The following MLLT10 variants were observed in gnomAD, a reference collection of about 807,000 sequenced individuals.
MLLT10 encodes MLLT10 histone lysine methyltransferase DOT1L cofactor, also known as protein AF-10.
In MLLT10, 30 loss-of-function variants were observed where a neutral mutation model predicts 129.1. The ratio of observed to expected loss-of-function variants is 0.23; its 90% confidence interval spans 0.17 to 0.32. The LOEUF (loss-of-function observed/expected upper bound fraction) is 0.32. Among genes scored for constraint, MLLT10 ranks in the 10% least tolerant of loss-of-function variants. MLLT10 has a pLI of 1.00. For synonymous variants in MLLT10, 490 were observed against 446.4 expected (o/e 1.10, Z -1.23); for missense variants, 1,119 against 1,268.3 (o/e 0.88, Z 1.79).
rs957461651 is a variant in MLLT10, at chr10:21,675,143, A to G, written c.1621+1224A>G. On this transcript the variant is annotated intron_variant, in intron 11 of 22. Coordinates refer to ENST00000307729, the MANE Select transcript of MLLT10 (RefSeq NM_001195626.3). ...AGATGTCCTCATTTTACAGCTGGTA[A>G]CACTGAGGCTTTGAAAGGTGAAATA... is the stretch of plus-strand genomic sequence containing the variant. Among the ~76,000 whole-genome samples the G allele has an allele frequency of 7.9e-5, 12 of 152,246 alleles. 1 individual carries two copies. The highest frequency in any genetic ancestry group is 2.9e-5 in the Non-Finnish European group (2 of 68,040).
chr10:21,730,094 TCCGTCTCCCCTGCCCAACCTCCCCCACCG>T (rs1393277732), intron 16 of MLLT10, among the ~76,000 whole-genome samples: 7 of 151,850 alleles, frequency 4.6e-5, no homozygotes, highest in Non-Finnish European at 1.0e-4. Flanking sequence ...ATGGTGAAAC[TCCGTCTCCCCTGCCCAACCTCCCCCACCG>T]CCGCCTCCCC....
chr10:21,646,122 C>T (rs2048449387), intron 8 of MLLT10, among the ~76,000 whole-genome samples: 1 of 152,146 alleles, frequency 6.6e-6, no homozygotes, highest in Non-Finnish European at 1.5e-5. Flanking sequence ...ATGATAATTG[C>T]TTGAACCTGG....
chr10:21,567,820 T>C (rs1055223985), intron 3 of MLLT10, among the ~76,000 whole-genome samples: 2 of 150,976 alleles, frequency 1.3e-5, no homozygotes, highest in African/African-American at 4.9e-5. Context: ...TGGGGCTTCT[T>C]CTTTTTTTTT....
At chr10:21,575,314 A>G (rs1476033270) in intron 3 of MLLT10, among the ~76,000 whole-genome samples, 1 of 151,974 alleles carries the variant, frequency 6.6e-6, no homozygotes, top group East Asian at 1.9e-4. Context: ...GCCTCAGCTC[A>G]GCCTCCTGGG....
intron 8 of MLLT10, chr10:21,626,101 C>G: frequency 6.2e-7 from 1 of 1,608,710 alleles, no homozygotes; most frequent in Non-Finnish European, 8.5e-7. Flanking sequence ...ACTCTTGCAC[C>G]TAGCTCCCCT....
chr10:21,698,239 C>G (rs1239699573), intron 13 of MLLT10, among the ~76,000 whole-genome samples: 1 of 152,186 alleles, frequency 6.6e-6, no homozygotes. Context: ...CTCTTGCCAG[C>G]CTCTGGTATT....
rs541166549 is a variant in MLLT10 at position 21,634,269 on chromosome 10, G to A, written c.699+17062G>A. Among the ~76,000 whole-genome samples, 5 of 152,158 alleles carry A rather than the reference G, an allele frequency of 3.3e-5. No homozygotes were observed. The South Asian group carries it at 1.0e-3, about 32-fold the overall frequency. Reference sequence around the variant, plus strand: ...GTTACCAGGATTTTCTACCTTTCATGACATTGACATTTTCTTGAGTTCAGA... The same window carrying A: ...GTTACCAGGATTTTCTACCTTTCATAACATTGACATTTTCTTGAGTTCAGA... On this transcript the variant is annotated intron_variant, in intron 8 of 22. Transcript: ENST00000307729.
intron 4 of MLLT10, among the ~76,000 whole-genome samples, chr10:21,590,385 G>A (rs972889065): frequency 6.6e-6 from 1 of 151,400 alleles, no homozygotes; most frequent in African/African-American, 2.4e-5. Flanking sequence ...TGTCACTCAA[G>A]CTGGAATGCA....
At chr10:21,701,590 T>C (rs1000133979) in intron 13 of MLLT10, among the ~76,000 whole-genome samples, 1 of 152,004 alleles carries the variant, frequency 6.6e-6, no homozygotes, top group African/African-American at 2.4e-5. Context: ...TTATTAAAAA[T>C]ATATATATAT....
At chr10:21,598,299 T>G (rs994957315) in intron 5 of MLLT10, among the ~76,000 whole-genome samples, 6 of 152,232 alleles carry the variant, frequency 3.9e-5, no homozygotes, top group African/African-American at 1.4e-4. Context: ...TTAAGCTGGC[T>G]TCTGTGTCTT....
intron 3 of MLLT10, among the ~76,000 whole-genome samples, chr10:21,547,162 G>A (rs1334807740): frequency 2.0e-5 from 3 of 151,912 alleles, no homozygotes; most frequent in African/African-American, 7.3e-5. Flanking sequence ...GAGCCACCCC[G>A]CCTGACCCCT....
intron 14 of MLLT10, among the ~76,000 whole-genome samples, chr10:21,715,376 T>C (rs2056462943): frequency 6.6e-6 from 1 of 152,192 alleles, no homozygotes; most frequent in South Asian, 2.1e-4. Flanking sequence ...ATAGAGGAGT[T>C]TGACTACTTT....
chr10:21,726,680 CCTT>C (rs2057534511), intron 15 of MLLT10, among the ~76,000 whole-genome samples: 1 of 115,724 alleles, frequency 8.6e-6, no homozygotes. Flanking sequence ...ATAGCAATGT[CCTT>C]TTTTTTTTTT....
chr10:21,645,308 C>T (rs567774818), intron 8 of MLLT10, among the ~76,000 whole-genome samples: 1 of 152,206 alleles, frequency 6.6e-6, no homozygotes, highest in Middle Eastern at 3.4e-3. Flanking sequence ...TGTTTTTTAA[C>T]TGGTTTCTGT....
chr10:21,553,394 C>T (rs1443481744), intron 3 of MLLT10, among the ~76,000 whole-genome samples: 1 of 148,704 alleles, frequency 6.7e-6, no homozygotes, highest in Non-Finnish European at 1.5e-5. Context: ...GGTGTGATCT[C>T]TGCTCACTAC....
chr10:21,567,362 C>T (rs923286954), intron 3 of MLLT10, among the ~76,000 whole-genome samples: 1 of 152,104 alleles, frequency 6.6e-6, no homozygotes, highest in Non-Finnish European at 1.5e-5. Context: ...AGTTGTGGCT[C>T]TCTACCTGAT....
At chr10:21,685,017 T>C (rs781146229) in intron 13 of MLLT10, among the ~76,000 whole-genome samples, 3 of 152,210 alleles carry the variant, frequency 2.0e-5, no homozygotes, top group African/African-American at 7.2e-5. Flanking sequence ...TTTGATAGAA[T>C]TAACCCTTTC....
At chr10:21,585,842 A>G (rs2041933107) in intron 3 of MLLT10, among the ~76,000 whole-genome samples, 2 of 152,086 alleles carry the variant, frequency 1.3e-5, no homozygotes, top group African/African-American at 2.4e-5. Flanking sequence ...GCTCACCGCA[A>G]CCTGTACCTC....
intron 8 of MLLT10, chr10:21,624,659 G>A: frequency 1.4e-6 from 2 of 1,455,446 alleles, no homozygotes; most frequent in South Asian, 1.2e-5. Context: ...ATAGTTACCA[G>A]AATAGTCACC....
Sources: allele counts gnomAD v4.1 joint callset (sites outside exome capture counted in the v4.1 genomes callset), GRCh38; gene constraint gnomAD v4.1.1; transcripts MANE v1.5; gene names NCBI Gene and HGNC (gene_info 2026-07-23, HGNC 2026-07-21).